The following STAU1 variants were observed in gnomAD, a reference collection of about 807,000 sequenced individuals.
The protein encoded by STAU1 is double-stranded RNA-binding protein Staufen homolog 1.
STAU1 carries 13 observed loss-of-function variants against 62.9 expected under a neutral mutation model. The observed-to-expected ratio is 0.21, with a 90% CI of 0.13 to 0.33. STAU1 has a LOEUF of 0.33. STAU1 is among the 10% of genes least tolerant of loss of function. The pLI, the probability that STAU1 is intolerant of heterozygous loss-of-function variation, is 1.00. For synonymous variants in STAU1, 269 were observed against 265.1 expected (o/e 1.01, Z -0.14); for missense variants, 571 against 712.1 (o/e 0.80, Z 2.25).
rs547739128 is a variant in STAU1 at position 49,133,343 on chromosome 20, A to T, written c.609+2490T>A. ...ATCCAAGGCTCTGGCCCAAGCCGTC[A>T]ACTCTGCACATGAGGTGACCCGGGA... On this transcript the variant is annotated intron_variant, in intron 6 of 13. Transcript: ENST00000371856. Among the ~76,000 whole-genome samples, 177 of 152,328 alleles carry T rather than the reference A, an allele frequency of 1.2e-3. 1 individual carries two copies. Among genetic ancestry groups the T allele is most frequent in the South Asian group, 0.011 (51 of 4,830 alleles).
At chr20:49,207,283 C>T in the STAU1 span, among the ~76,000 whole-genome samples, 2 of 152,018 alleles carry the variant, frequency 1.3e-5, no homozygotes, top group South Asian at 4.2e-4. Context: ...GAGCACCTGC[C>T]AAGTCAGAGT....
At chr20:49,165,679 G>A (rs945346940) in intron 3 of STAU1, among the ~76,000 whole-genome samples, 4 of 152,186 alleles carry the variant, frequency 2.6e-5, no homozygotes, top group South Asian at 2.1e-4. Context: ...CCCATACAAC[G>A]ATGAATATCC....
intron 8 of STAU1, 54 bp downstream of exon 8, chr20:49,123,038 C>G: frequency 2.0e-6 from 3 of 1,513,232 alleles, no homozygotes; most frequent in Non-Finnish European, 2.6e-6. Flanking sequence ...GCCATCAGCC[C>G]CCAAGGCTGG....
At chr20:49,198,885 C>A in the STAU1 span, among the ~76,000 whole-genome samples, 6 of 152,122 alleles carry the variant, frequency 3.9e-5, no homozygotes, top group African/African-American at 1.4e-4. Flanking sequence ...ATCGCTTGAA[C>A]CCAGGAGGCA....
chr20:49,187,504 T>C (rs551219007), intron 1 of STAU1, among the ~76,000 whole-genome samples: 2 of 152,212 alleles, frequency 1.3e-5, no homozygotes, highest in African/African-American at 4.8e-5. Flanking sequence ...GCTAATAAAT[T>C]ATGCAGACGG....
At chr20:49,168,737 T>C (rs2093559238) in intron 2 of STAU1, among the ~76,000 whole-genome samples, 1 of 152,184 alleles carries the variant, frequency 6.6e-6, no homozygotes, top group Non-Finnish European at 1.5e-5. Flanking sequence ...AGGAGACATC[T>C]GCCAATGTCT....
At chr20:49,154,791 G>C (rs1398146254) in intron 3 of STAU1, among the ~76,000 whole-genome samples, 1 of 146,834 alleles carries the variant, frequency 6.8e-6, no homozygotes, top group Non-Finnish European at 1.5e-5. Context: ...GTGTGAACCT[G>C]GGAGGCGGAC....
chr20:49,118,209 A>C, intron 10 of STAU1, 113 bp from the exon 11 acceptor site: 1 of 1,373,174 alleles, frequency 7.3e-7, no homozygotes, highest in Non-Finnish European at 1.0e-6. Context: ...CAGCGCAGGG[A>C]ATCAGGGAAT....
chr20:49,219,013 C>CAAAAAAAAAAAAAA, the STAU1 span, among the ~76,000 whole-genome samples: 1 of 53,174 alleles, frequency 1.9e-5, no homozygotes, highest in Non-Finnish European at 3.6e-5. Flanking sequence ...AACCCTGCCT[C>CAAAAAAAAAAAAAA]AAAAAAAAAA....
intron 5 of STAU1, among the ~76,000 whole-genome samples, chr20:49,140,982 T>TA (rs35880692): frequency 0.026 from 3,472 of 131,532 alleles, 92 homozygotes; most frequent in East Asian, 0.09. Context: ...ATGATCTGTT[T>TA]AAAAAAAAAA....
the STAU1 span, among the ~76,000 whole-genome samples, chr20:49,205,985 CT>C: frequency 5.2e-3 from 632 of 122,036 alleles, 2 homozygotes; most frequent in African/African-American, 0.012. Flanking sequence ...ATTTTCTTTT[CT>C]TTTTTTTTTT....
At chr20:49,177,666 G>A (rs897229048) in intron 1 of STAU1, among the ~76,000 whole-genome samples, 10 of 151,350 alleles carry the variant, frequency 6.6e-5, no homozygotes, top group Middle Eastern at 6.8e-3. Context: ...ATGACAGAGT[G>A]AGACTCCGTC....
At chr20:49,185,968 A>G (rs1221700965) in intron 1 of STAU1, among the ~76,000 whole-genome samples, 1 of 151,748 alleles carries the variant, frequency 6.6e-6, no homozygotes, top group African/African-American at 2.4e-5. Context: ...CAGCCTCGGG[A>G]GTAGCTGGGA....
At chr20:49,180,091 C>G (rs566775684) in intron 1 of STAU1, among the ~76,000 whole-genome samples, 5 of 152,142 alleles carry the variant, frequency 3.3e-5, no homozygotes, top group African/African-American at 1.2e-4. Context: ...AAAAGTAAAA[C>G]AAAATTGTTC....
intron 2 of STAU1, among the ~76,000 whole-genome samples, chr20:49,171,525 G>C (rs2093596948): frequency 6.6e-6 from 1 of 152,156 alleles, no homozygotes; most frequent in Non-Finnish European, 1.5e-5. Context: ...CTGACCTTGT[G>C]ATCCGCCTGC....
At chr20:49,121,421 A>C (rs34778847) in intron 8 of STAU1, among the ~76,000 whole-genome samples, 58,510 of 151,458 alleles carry the variant, frequency 0.39, 11,386 homozygotes, top group Middle Eastern at 0.5. Flanking sequence ...CCTCTACCCC[A>C]AAAAAAATGT....
chr20:49,156,716 T>A (rs922479071), intron 3 of STAU1, among the ~76,000 whole-genome samples: 1 of 152,160 alleles, frequency 6.6e-6, no homozygotes, highest in Non-Finnish European at 1.5e-5. Context: ...AAACCTGACA[T>A]TGACTGTAAT....
the STAU1 span, among the ~76,000 whole-genome samples, chr20:49,200,213 C>A: frequency 6.6e-5 from 10 of 152,132 alleles, no homozygotes; most frequent in Non-Finnish European, 1.2e-4. Context: ...TCATAAGAGC[C>A]AAAACCTGGA....
At chr20:49,125,214 A>AACAAACAAAAAAAAAAC (rs2092575346) in intron 6 of STAU1, among the ~76,000 whole-genome samples, 1 of 146,054 alleles carries the variant, frequency 6.8e-6, no homozygotes, top group African/African-American at 2.5e-5. Flanking sequence ...AAAAAAAAAA[A>AACAAACAAAAAAAAAAC]AAAAAAAAAA....
Sources: gnomAD v4.1 joint callset for allele counts (sites outside exome capture counted in the v4.1 genomes callset) on GRCh38, gnomAD v4.1.1 for gene constraint, MANE v1.5 for transcripts, NCBI Gene and HGNC (gene_info 2026-07-23, HGNC 2026-07-21) for gene names.